NBDY: variants seen among roughly 807,000 people sequenced by gnomAD.
NBDY encodes the protein negative regulator of P-body association, also known as P-body dissociating protein.
At chrX:56,813,192 A>T (rs1482881596) in intron 2 of NBDY, among the ~76,000 whole-genome samples, 1 of 111,435 alleles carries the variant, frequency 9.0e-6, no homozygotes, top group Non-Finnish European at 1.9e-5. Flanking sequence ...TATATATATA[A>T]AACACCACCC....
intron 2 of NBDY, among the ~76,000 whole-genome samples, chrX:56,782,781 G>T (rs770980563): frequency 1.8e-5 from 2 of 111,176 alleles, no homozygotes; most frequent in Admixed American, 1.9e-4. Context: ...GGGTGTCTCC[G>T]CCACATGCCC....
intron 2 of NBDY, among the ~76,000 whole-genome samples, chrX:56,799,263 T>G (rs905855120): frequency 2.7e-4 from 30 of 112,618 alleles, no homozygotes; most frequent in Non-Finnish European, 7.5e-5. Context: ...ATCCCAAAAC[T>G]TCTTTGTTCC....
At chrX:56,753,535 A>G (rs1286997343) in intron 2 of NBDY, among the ~76,000 whole-genome samples, 3 of 111,772 alleles carry the variant, frequency 2.7e-5, no homozygotes, top group African/African-American at 9.8e-5. Context: ...AAGCCATGGG[A>G]AAGTGTATAT....
chrX:56,804,977 G>A (rs761845800), intron 2 of NBDY, among the ~76,000 whole-genome samples: 1 of 112,198 alleles, frequency 8.9e-6, no homozygotes, highest in Non-Finnish European at 1.9e-5. Context: ...GGATGTGTAG[G>A]CTGCACTGGG....
Position 56,792,505 on chromosome X carries a change from C to T in NBDY, c.*167-24815C>T, listed in dbSNP as rs1199100548. 1.8e-5 allele frequency among the ~76,000 whole-genome samples: 2 copies of T among 111,084 alleles called. 1 individual carries two copies. Among genetic ancestry groups the T allele is most frequent in the African/African-American group, 6.6e-5 (2 of 30,479 alleles). On this transcript the variant is annotated intron_variant, in intron 2 of 2. Coordinates refer to ENST00000374922, the MANE Select transcript of NBDY (RefSeq NM_001348129.2). Reference sequence around the variant, plus strand: ...CACAATGCACTTACTCACAAGGGACCCTGCAACCAGAAATAAAATCACAAA... The same window carrying T: ...CACAATGCACTTACTCACAAGGGACTCTGCAACCAGAAATAAAATCACAAA...
chrX:56,791,724 G>C (rs1054521151), intron 2 of NBDY, among the ~76,000 whole-genome samples: 1 of 111,434 alleles, frequency 9.0e-6, no homozygotes, highest in African/African-American at 3.3e-5. Context: ...CAGTGGCATG[G>C]ACCTTTCTGT....
chrX:56,811,947 G>A (rs1000872481), intron 2 of NBDY, among the ~76,000 whole-genome samples: 1 of 111,892 alleles, frequency 8.9e-6, no homozygotes, highest in East Asian at 2.8e-4. Context: ...GAAAAGTGCA[G>A]TGTCTGTGCT....
chrX:56,748,331 T>C (rs1368577588), intron 2 of NBDY, among the ~76,000 whole-genome samples: 1 of 111,245 alleles, frequency 9.0e-6, no homozygotes. Flanking sequence ...ATGAAATCAC[T>C]AACTGAGTTA....
chrX:56,794,201 T>G, intron 2 of NBDY, among the ~76,000 whole-genome samples: 1 of 111,622 alleles, frequency 9.0e-6, no homozygotes, highest in South Asian at 3.8e-4. Context: ...AAACCCTGGC[T>G]CAGGCAGAGT....
At chrX:56,791,209 G>A (rs1174278876) in intron 2 of NBDY, among the ~76,000 whole-genome samples, 1 of 112,168 alleles carries the variant, frequency 8.9e-6, no homozygotes, top group Non-Finnish European at 1.9e-5. Context: ...GCAAGGTCAG[G>A]AGCAGCCTGG....
chrX:56,795,833 T>G (rs2069789088), intron 2 of NBDY, among the ~76,000 whole-genome samples: 1 of 112,690 alleles, frequency 8.9e-6, no homozygotes, highest in South Asian at 3.7e-4. Flanking sequence ...AACGCGAGAA[T>G]AAAAGAATGC....
At chrX:56,743,448 T>C (rs1010812412) in intron 2 of NBDY, among the ~76,000 whole-genome samples, 12 of 110,961 alleles carry the variant, frequency 1.1e-4, no homozygotes, top group Non-Finnish European at 2.3e-4. Context: ...GGGAGACTTT[T>C]TATTATGGCT....
chrX:56,766,390 C>T (rs1323210087), intron 2 of NBDY, among the ~76,000 whole-genome samples: 2 of 111,298 alleles, frequency 1.8e-5, no homozygotes. Context: ...TACAAGAGAC[C>T]CCCAGAAGAA....
chrX:56,761,640 T>C (rs1371963012), intron 2 of NBDY, among the ~76,000 whole-genome samples: 1 of 113,460 alleles, frequency 8.8e-6, no homozygotes, highest in Non-Finnish European at 1.9e-5. Context: ...CACTTTTTTC[T>C]TCTTCACTGT....
At chrX:56,787,546 A>G (rs2069735989) in intron 2 of NBDY, among the ~76,000 whole-genome samples, 1 of 111,923 alleles carries the variant, frequency 8.9e-6, no homozygotes, top group African/African-American at 3.3e-5. Flanking sequence ...TAAATGCAGG[A>G]AGTCTGTTAT....
chrX:56,807,477 C>T (rs1602669559), intron 2 of NBDY, among the ~76,000 whole-genome samples: 1 of 111,427 alleles, frequency 9.0e-6, no homozygotes, highest in African/African-American at 3.3e-5. Context: ...TGTTTGTGTC[C>T]TCTTTTATTT....
chrX:56,731,601 TAAAAAG>T (rs939345259), intron 1 of NBDY, among the ~76,000 whole-genome samples: 1 of 109,875 alleles, frequency 9.1e-6, no homozygotes, highest in African/African-American at 3.3e-5. Context: ...TTTTAAAAAA[TAAAAAG>T]GAAAAAGAAA....
At chrX:56,805,895 C>T (rs1444292106) in intron 2 of NBDY, among the ~76,000 whole-genome samples, 2 of 110,972 alleles carry the variant, frequency 1.8e-5, no homozygotes, top group East Asian at 2.8e-4. Flanking sequence ...TAGATATAGA[C>T]GTGCCATGGT....
At chrX:56,740,559 G>C (rs1166484631) in intron 2 of NBDY, among the ~76,000 whole-genome samples, 1 of 111,390 alleles carries the variant, frequency 9.0e-6, no homozygotes, top group Non-Finnish European at 1.9e-5. Context: ...ATCTCCCACT[G>C]TATTTGTGTA....
Sources: allele counts gnomAD v4.1 joint callset (sites outside exome capture counted in the v4.1 genomes callset), GRCh38; gene constraint gnomAD v4.1.1; transcripts MANE v1.5; gene names NCBI Gene and HGNC (gene_info 2026-07-23, HGNC 2026-07-21).